ZBTB16: variants seen among roughly 807,000 people sequenced by gnomAD.
ZBTB16 encodes zinc finger and BTB domain-containing protein 16.
Under a neutral mutation model 56.8 loss-of-function variants are expected in ZBTB16, and 8 were observed. The ratio of observed to expected loss-of-function variants is 0.14; its 90% CI spans 0.08 to 0.25. ZBTB16 has a LOEUF of 0.25. Ranked by LOEUF, ZBTB16 falls within the 10% of genes least tolerant of loss-of-function variation. The pLI, the probability that ZBTB16 is intolerant of heterozygous loss-of-function variation, is 1.00. For synonymous variants in ZBTB16, 363 were observed against 368.5 expected, an observed-to-expected ratio of 0.98 and a Z score of 0.17; for missense variants, 625 against 903.0, an observed-to-expected ratio of 0.69 and a Z score of 3.95.
At chr11:114,089,282 A>G (rs1210894468) in intron 2 of ZBTB16, among the ~76,000 whole-genome samples, 1 of 152,204 alleles carries the variant, frequency 6.6e-6, no homozygotes, top group Non-Finnish European at 1.5e-5. Context: ...TTTGTACATT[A>G]TAGGTATTCA....
At chr11:114,133,227 T>G (rs531199826) in intron 2 of ZBTB16, among the ~76,000 whole-genome samples, 33 of 152,126 alleles carry the variant, frequency 2.2e-4, no homozygotes, top group Admixed American at 1.7e-3. Flanking sequence ...TTACAAAATG[T>G]GGGGGGTGCA....
Position 114,143,246 on chromosome 11 carries a change from C to T in ZBTB16, c.1269-13091C>T, listed in dbSNP as rs1256149973. On this transcript the variant is annotated intron_variant, in intron 2 of 6. Coordinates refer to ENST00000335953, the MANE Select transcript of ZBTB16 (RefSeq NM_006006.6). This position sits in a 1 kb window ranked among gnomAD's most constrained non-coding sequence, Gnocchi z 6.4. The stretch of plus-strand genomic sequence containing the variant: ...CTGTACAGCCAAGATGCATCCACCC[C>T]TCATCCATCCACTAATGCTGTGCCC... Among the ~76,000 whole-genome samples, 10 of 152,196 alleles carry T rather than the reference C, an allele frequency of 6.6e-5. No homozygotes were observed. The highest frequency in any genetic ancestry group is 1.3e-4 in the Non-Finnish European group (9 of 68,042).
intron 2 of ZBTB16, among the ~76,000 whole-genome samples, chr11:114,082,464 G>T (rs1294311796): frequency 6.6e-6 from 1 of 152,190 alleles, no homozygotes; most frequent in Non-Finnish European, 1.5e-5. Flanking sequence ...TTTAACTGCT[G>T]TTTCTTTTTG....
chr11:114,205,521 A>G (rs1197942657), intron 4 of ZBTB16, among the ~76,000 whole-genome samples: 4 of 152,134 alleles, frequency 2.6e-5, no homozygotes, highest in Admixed American at 2.0e-4. Context: ...GAGAAGATCC[A>G]TTACAGATTG....
chr11:114,175,657 C>G (rs1298493325), intron 3 of ZBTB16, among the ~76,000 whole-genome samples: 1 of 152,078 alleles, frequency 6.6e-6, no homozygotes, highest in African/African-American at 2.4e-5. Context: ...CCAAAGAGAT[C>G]TCAGCATTGT....
At chr11:114,171,649 T>A (rs2135012455) in intron 3 of ZBTB16, among the ~76,000 whole-genome samples, 1 of 152,382 alleles carries the variant, frequency 6.6e-6, no homozygotes, top group South Asian at 2.1e-4. Context: ...GGCGTGGCTT[T>A]CTTCCCTACT....
At chr11:114,102,831 G>T (rs940393457) in intron 2 of ZBTB16, among the ~76,000 whole-genome samples, 5 of 152,052 alleles carry the variant, frequency 3.3e-5, no homozygotes, top group African/African-American at 1.2e-4. Context: ...TTCTTCTTGG[G>T]CTTGAAGTTT....
intron 4 of ZBTB16, among the ~76,000 whole-genome samples, chr11:114,196,437 G>A (rs985583911): frequency 4.5e-4 from 47 of 104,696 alleles, no homozygotes; most frequent in African/African-American, 1.5e-3. Context: ...TTCTGAGGCT[G>A]GGAAGCTTAA....
At chr11:114,221,624 A>G (rs973367504) in intron 4 of ZBTB16, among the ~76,000 whole-genome samples, 2 of 152,078 alleles carry the variant, frequency 1.3e-5, no homozygotes, top group African/African-American at 4.8e-5. Context: ...CAGAAGACCC[A>G]AGACTCAGGC....
At chr11:114,229,510 C>A (rs944679209) in intron 4 of ZBTB16, among the ~76,000 whole-genome samples, 1 of 152,172 alleles carries the variant, frequency 6.6e-6, no homozygotes, top group Admixed American at 6.5e-5. Flanking sequence ...CAGAAGTATA[C>A]CCGGCTGCTT....
chr11:114,131,732 G>T (rs933720849), intron 2 of ZBTB16, among the ~76,000 whole-genome samples: 1 of 152,168 alleles, frequency 6.6e-6, no homozygotes, highest in Non-Finnish European at 1.5e-5. Flanking sequence ...ACTTTCTAAT[G>T]ATGCAGGGTT....
chr11:114,148,413 C>CTCTCTCTCTCTCTCTCTGTCTGTCTG (rs1209062465), intron 2 of ZBTB16, among the ~76,000 whole-genome samples: 2 of 18,190 alleles, frequency 1.1e-4, no homozygotes, highest in African/African-American at 4.3e-4. Flanking sequence ...CCCTCCCTCC[C>CTCTCTCTCTCTCTCTCTGTCTGTCTG]TCCCTCCCTC....
At position 114,253,120 on chromosome 11, in the gene ZBTB16, G is replaced by A. The variant is rs1409472104; in HGVS notation, c.*2565G>A. Among the ~76,000 whole-genome samples the A allele has an allele frequency of 1.3e-5, 2 of 152,134 alleles. No homozygotes were observed. The highest frequency in any genetic ancestry group is 4.8e-5 in the African/African-American group (2 of 41,408). On this transcript the variant is annotated 3_prime_UTR_variant, in exon 7 of 7. Coordinates refer to ENST00000335953, the MANE Select transcript of ZBTB16 (RefSeq NM_006006.6). Reference sequence around the variant, plus strand: ...GTCTGGGAAGAAGCGGGGACTGGCTGGCCCTCAGGGGATCTGTAAATCCCA... The same window carrying A: ...GTCTGGGAAGAAGCGGGGACTGGCTAGCCCTCAGGGGATCTGTAAATCCCA...
Position 114,252,251 on chromosome 11 carries a change from C to T in ZBTB16, c.*1696C>T, listed in dbSNP as rs1312852982. On this transcript the variant is annotated 3_prime_UTR_variant, in exon 7 of 7. Transcript: ENST00000335953. ...CTAAAACACTCTGGAGAGAATCCCA[C>T]CTTTCTTACAATTTGCTGGGCCATT... is the stretch of plus-strand genomic sequence containing the variant. Among the ~76,000 whole-genome samples, 1 of 152,074 alleles carries T rather than the reference C, an allele frequency of 6.6e-6. No individual in the cohort carries two copies. Among genetic ancestry groups the T allele is most frequent in the Non-Finnish European group, 1.5e-5 (1 of 68,010 alleles).
At chr11:114,100,742 G>A (rs895605054) in intron 2 of ZBTB16, among the ~76,000 whole-genome samples, 16 of 152,246 alleles carry the variant, frequency 1.1e-4, no homozygotes, top group African/African-American at 3.4e-4. Flanking sequence ...GGCACATTTC[G>A]CTTTGTGGAA....
chr11:114,184,104 C>A (rs1324152240), intron 3 of ZBTB16, among the ~76,000 whole-genome samples: 3 of 152,176 alleles, frequency 2.0e-5, no homozygotes, highest in Admixed American at 6.5e-5. Context: ...TCATATCTTC[C>A]ATGGGGTACT....
At chr11:114,161,150 T>C (rs1477226722) in intron 3 of ZBTB16, among the ~76,000 whole-genome samples, 1 of 152,164 alleles carries the variant, frequency 6.6e-6, no homozygotes, top group African/African-American at 2.4e-5. Flanking sequence ...ACACATGCAG[T>C]GACTCAAATT....
intron 4 of ZBTB16, among the ~76,000 whole-genome samples, chr11:114,207,367 C>T (rs945952576): frequency 6.6e-6 from 1 of 152,100 alleles, no homozygotes; most frequent in African/African-American, 2.4e-5. Flanking sequence ...CTATGGATAA[C>T]CAGGGTTTTG....
chr11:114,088,919 C>G (rs1200362962), intron 2 of ZBTB16, among the ~76,000 whole-genome samples: 2 of 151,904 alleles, frequency 1.3e-5, no homozygotes, highest in African/African-American at 4.8e-5. Flanking sequence ...GCCTGGGGGC[C>G]CCCCCACACA....
Sources: gnomAD v4.1 joint callset for allele counts (sites outside exome capture counted in the v4.1 genomes callset) on GRCh38, gnomAD v4.1.1 for gene constraint, Gnocchi (gnomAD v3.1) non-coding constraint, MANE v1.5 for transcripts, NCBI Gene and HGNC (gene_info 2026-07-23, HGNC 2026-07-21) for gene names.